Variants in MAGI2 observed in about 807,000 individuals in gnomAD.
MAGI2 encodes membrane-associated guanylate kinase, WW and PDZ domain-containing protein 2.
In MAGI2, 35 loss-of-function variants were observed where a neutral mutation model predicts 133.3. That is an observed-to-expected ratio of 0.26 (90% CI 0.20 to 0.35). The LOEUF is 0.35. Ranked by LOEUF, MAGI2 falls within the 10% of genes least tolerant of loss-of-function variation. The probability of loss-of-function intolerance (pLI) is 1.00; values close to 1 mark genes in which losing one functional copy is unlikely to be tolerated. For missense variants in MAGI2, 1,636 were observed against 1,863.4 expected, an observed-to-expected ratio of 0.88 and a Z score of 2.25; for synonymous variants, 729 against 710.6, an observed-to-expected ratio of 1.03 and a Z score of -0.41.
At chr7:78,639,850 A>G (rs1015882307) in intron 2 of MAGI2, among the ~76,000 whole-genome samples, 37 of 152,200 alleles carry the variant, frequency 2.4e-4, no homozygotes, top group Non-Finnish European at 4.9e-4. Flanking sequence ...AAACTTAGGA[A>G]AAAAGAGAAA....
At chr7:79,377,769 A>G (rs946710070) in intron 1 of MAGI2, among the ~76,000 whole-genome samples, 1 of 151,798 alleles carries the variant, frequency 6.6e-6, no homozygotes, top group Non-Finnish European at 1.5e-5. Flanking sequence ...TTGAGTGCCT[A>G]CAACAAAAGT....
chr7:78,507,275 G>C (rs1336056561), intron 4 of MAGI2, among the ~76,000 whole-genome samples: 1 of 152,132 alleles, frequency 6.6e-6, no homozygotes, highest in Non-Finnish European at 1.5e-5. Context: ...GGCTCACCTA[G>C]GGATACGGTT....
intron 6 of MAGI2, among the ~76,000 whole-genome samples, chr7:78,444,378 C>T (rs773487338): frequency 6.6e-6 from 1 of 152,010 alleles, no homozygotes; most frequent in Non-Finnish European, 1.5e-5. Context: ...AGGTCCCTCA[C>T]AATTCATTAA....
At chr7:78,851,096 T>C (rs1793089955) in intron 2 of MAGI2, among the ~76,000 whole-genome samples, 2 of 152,054 alleles carry the variant, frequency 1.3e-5, no homozygotes. Flanking sequence ...TCATTGCAAA[T>C]AGCTTTAAAA....
rs577716580 is a variant in MAGI2, at chr7:79,260,675, A to G, written c.301+192345T>C. 3.3e-4 allele frequency among the ~76,000 whole-genome samples: 51 copies of G among 152,254 alleles called. 2 individuals carry two copies. The South Asian group carries it at 0.01, about 31-fold the overall frequency. On this transcript the variant is annotated intron_variant, in intron 1 of 21. Coordinates refer to ENST00000354212, the MANE Select transcript of MAGI2 (RefSeq NM_012301.4). ...TCATGTGATGGGTTGCAGTCAAAAC[A>G]CTGTCAAAACTTTATTTCACGCACG...
At chr7:79,001,598 C>G (rs764399276) in intron 2 of MAGI2, among the ~76,000 whole-genome samples, 3 of 152,110 alleles carry the variant, frequency 2.0e-5, no homozygotes, top group Non-Finnish European at 4.4e-5. Flanking sequence ...ATTTAAGAAG[C>G]ATGTCAGTTT....
intron 9 of MAGI2, among the ~76,000 whole-genome samples, chr7:78,301,722 T>C (rs1461474808): frequency 6.6e-6 from 1 of 152,238 alleles, no homozygotes; most frequent in African/African-American, 2.4e-5. Context: ...GGCATTTGCA[T>C]CCAATACCAA....
intron 2 of MAGI2, among the ~76,000 whole-genome samples, chr7:78,993,643 T>C (rs1450742958): frequency 6.6e-6 from 1 of 151,962 alleles, no homozygotes; most frequent in Non-Finnish European, 1.5e-5. Context: ...CAGTTCTGTA[T>C]TGTTTATTAT....
intron 2 of MAGI2, among the ~76,000 whole-genome samples, chr7:78,824,912 T>G (rs1790484992): frequency 6.6e-6 from 1 of 152,164 alleles, no homozygotes; most frequent in South Asian, 2.1e-4. Flanking sequence ...TCATGTCCTT[T>G]GAAGAGACAC....
chr7:79,400,052 A>T (rs906892266), intron 1 of MAGI2, among the ~76,000 whole-genome samples: 1 of 152,224 alleles, frequency 6.6e-6, no homozygotes, highest in South Asian at 2.1e-4. Context: ...ACTTGTGTTC[A>T]TGAACCACGT....
intron 1 of MAGI2, among the ~76,000 whole-genome samples, chr7:79,133,145 T>C (rs1821090016): frequency 1.3e-5 from 2 of 152,214 alleles, no homozygotes; most frequent in African/African-American, 4.8e-5. Context: ...AAAAGCTTTG[T>C]AGTTTAATTC....
intron 1 of MAGI2, among the ~76,000 whole-genome samples, chr7:79,227,986 T>C (rs1345947442): frequency 6.6e-6 from 1 of 152,202 alleles, no homozygotes; most frequent in African/African-American, 2.4e-5. Flanking sequence ...TGTGTTAATG[T>C]GGCCAGGGTA....
At chr7:78,097,632 T>C (rs572354615) in intron 20 of MAGI2, among the ~76,000 whole-genome samples, 12 of 152,018 alleles carry the variant, frequency 7.9e-5, no homozygotes, top group African/African-American at 2.7e-4. Context: ...TGAATACAAA[T>C]AAGGGAACAA....
At position 78,019,758 on chromosome 7, in the gene MAGI2, G is replaced by T. The variant is rs1482623105; in HGVS notation, c.3925C>A (p.Arg1309Ser). ...GAGCGCTCCCTCTGCTCCCCGAGGC[G>T]CTGCTTCTTCTGGCCGCAGGCTGAA... Reference protein sequence around the residue: ...ELSACGQKKQRLGEQRERSAS... With the variant: ...ELSACGQKKQSLGEQRERSAS... Residue 1309 changes from arginine to serine, a missense_variant, in exon 22 of 22, where the codon CGC (arginine) becomes AGC (serine). Physicochemically the swap from Arg to Ser is moderately radical, Grantham distance 110. This residue lies in a region of MAGI2 where 354 missense variants were observed against 298.7 expected (regional missense o/e 1.19). Transcript: ENST00000354212. The T allele has an allele frequency of 1.1e-5, 18 of 1,612,166 alleles. No homozygotes were observed. The highest frequency in any genetic ancestry group is 1.5e-5 in the Non-Finnish European group (18 of 1,179,602).
At chr7:79,427,747 T>C (rs1466900705) in intron 1 of MAGI2, among the ~76,000 whole-genome samples, 1 of 152,136 alleles carries the variant, frequency 6.6e-6, no homozygotes, top group South Asian at 2.1e-4. Flanking sequence ...GGTTGTGCAG[T>C]ACGGAAAAAA....
At chr7:79,102,444 C>T (rs544641228) in intron 1 of MAGI2, among the ~76,000 whole-genome samples, 2 of 152,304 alleles carry the variant, frequency 1.3e-5, no homozygotes, top group South Asian at 4.1e-4. Context: ...CCTTCCATCT[C>T]TTTCTTACCA....
chr7:78,926,770 C>A (rs943460633), intron 2 of MAGI2, among the ~76,000 whole-genome samples: 1 of 151,798 alleles, frequency 6.6e-6, no homozygotes, highest in Non-Finnish European at 1.5e-5. Context: ...GACCATGGGC[C>A]AGTCTCCTTT....
intron 2 of MAGI2, among the ~76,000 whole-genome samples, chr7:78,948,643 T>C (rs1801626748): frequency 6.6e-6 from 1 of 152,148 alleles, no homozygotes; most frequent in African/African-American, 2.4e-5. Context: ...CTTAAACTAA[T>C]GAGTTATTAT....
At chr7:78,052,846 AT>A (rs59574747) in intron 21 of MAGI2, among the ~76,000 whole-genome samples, 15,447 of 148,472 alleles carry the variant, frequency 0.1, 784 homozygotes, top group African/African-American at 0.13. Flanking sequence ...AGCTTCAAGG[AT>A]TTTTTTTTTT....
Sources: gnomAD v4.1 joint callset for allele counts (sites outside exome capture counted in the v4.1 genomes callset) on GRCh38, gnomAD v4.1.1 for gene constraint, gnomAD v4.1.1 regional missense constraint, MANE v1.5 for transcripts, NCBI Gene and HGNC (gene_info 2026-07-23, HGNC 2026-07-21) for gene names.